RPS8: variants seen among roughly 807,000 people sequenced by gnomAD.
RPS8 encodes the protein ribosomal protein S8, also known as small ribosomal subunit protein eS8.
For missense variants in RPS8, 141 were observed against 269.7 expected (o/e 0.52, Z 3.34); for synonymous variants, 100 against 100.7 (o/e 0.99, Z 0.04).
At chr1:44,778,256 G>T in intron 5 of RPS8, 127 bp downstream of exon 5, 1 of 1,195,294 alleles carries the variant, frequency 8.4e-7, no homozygotes, top group Non-Finnish European at 1.2e-6. Context: ...AACAGGCTGC[G>T]AGCACAAAGG....
chr1:44,776,429 C>T, intron 2 of RPS8: 3 of 752,716 alleles, frequency 4.0e-6, no homozygotes, highest in Non-Finnish European at 7.3e-6. Context: ...GAAGCCTAGT[C>T]TTGTTTTTTT....
intron 3 of RPS8, 125 bp from the exon 4 acceptor site, chr1:44,777,489 G>A (rs1650898588): frequency 1.3e-6 from 1 of 762,600 alleles, no homozygotes; most frequent in Non-Finnish European, 2.2e-6. Context: ...GATGCCCCAT[G>A]GCTTGTAAAG....
intron 5 of RPS8, 135 bp downstream of exon 5, chr1:44,778,264 A>AGGG: frequency 2.6e-6 from 3 of 1,147,808 alleles, no homozygotes; most frequent in Admixed American, 1.7e-5. Flanking sequence ...GCGAGCACAA[A>AGGG]GGGGAACGTT....
At chr1:44,776,869 C>G in intron 3 of RPS8, 95 bp downstream of exon 3, 2 of 898,780 alleles carry the variant, frequency 2.2e-6, no homozygotes, top group Non-Finnish European at 3.3e-6. Flanking sequence ...CGCCTATAAG[C>G]CCAGCACGTT....
chr1:44,776,278 C>G (rs1650849849), intron 2 of RPS8, 138 bp downstream of exon 2: 2 of 668,150 alleles, frequency 3.0e-6, no homozygotes, highest in Non-Finnish European at 5.2e-6. Context: ...GTGTCCTGTC[C>G]CCCTTTAGCT....
chr1:44,778,488 C>G, intron 5 of RPS8, 88 bp from the exon 6 acceptor site: 1 of 1,084,718 alleles, frequency 9.2e-7, no homozygotes, highest in South Asian at 1.2e-5. Flanking sequence ...CCCCAGGGTA[C>G]CTGAACCCAC....
In RPS8 at chr1:44,776,695, C is replaced by T. The variant is rs1260737500; in HGVS notation, c.132C>T (p.His44=). The change falls in exon 3 of 6, where the codon CAC becomes CAT. Residue 44 remains histidine, a synonymous_variant. Transcript: ENST00000396651. The stretch of plus-strand genomic sequence containing the variant: ...TCCAGATTGGCCCCCGCCGCATCCA[C>T]ACAGTCCGTGTGCGGGGAGGTAACA... ...ANTKIGPRRI[H]TVRVRGGNKK... 2.5e-6 allele frequency: 4 copies of T among 1,613,994 alleles called. No homozygotes were observed. The highest frequency in any genetic ancestry group is 2.5e-6 in the Non-Finnish European group (3 of 1,180,006).
chr1:44,775,974 G>T, intron 1 of RPS8, 60 bp from the exon 2 acceptor site: 1 of 1,516,318 alleles, frequency 6.6e-7, no homozygotes, highest in South Asian at 1.1e-5. Context: ...TCCGGGAGCT[G>T]GCGAGTCGCT....
At position 44,776,713 on chromosome 1, in the gene RPS8, A is replaced by G; in HGVS notation, c.150A>G (p.Gly50=). 1 of 1,613,672 alleles carries G rather than the reference A, an allele frequency of 6.2e-7. No homozygotes were observed. Among genetic ancestry groups the G allele is most frequent in the Non-Finnish European group, 8.5e-7 (1 of 1,179,844 alleles). The change falls in exon 3 of 6, where the codon GGA becomes GGG. Residue 50 remains glycine (G), a synonymous_variant. Coordinates refer to ENST00000396651, the MANE Select transcript of RPS8 (RefSeq NM_001012.2). ...PRRIHTVRVR[G]GNKKYRALRL... is the part of the protein sequence containing the mutation. Reference sequence around the variant, plus strand: ...GCATCCACACAGTCCGTGTGCGGGGAGGTAACAAGAAATACCGTGCCCTGA... The same window carrying G: ...GCATCCACACAGTCCGTGTGCGGGGGGGTAACAAGAAATACCGTGCCCTGA...
Position 44,777,809 on chromosome 1 carries a change from A to ACC in RPS8, c.387+20_387+21insCC. ...AAGCTGGTGCGTGTTACTTCCCTGT[A>ACC]GGGGTTGTGGGGAGGGCAGCCTGAC... On this transcript the variant is annotated intron_variant, in intron 4 of 5. Coordinates refer to ENST00000396651, the MANE Select transcript of RPS8 (RefSeq NM_001012.2). 6.2e-7 allele frequency: 1 copy of ACC among 1,613,586 alleles called. No individual in the cohort carries two copies. The highest frequency in any genetic ancestry group is 8.5e-7 in the Non-Finnish European group (1 of 1,179,536).
intron 3 of RPS8, chr1:44,777,188 C>T: frequency 4.8e-6 from 1 of 209,874 alleles, no homozygotes; most frequent in Non-Finnish European, 9.7e-6. Context: ...TCTCCTGCCT[C>T]AGCCTCCCAA....
Position 44,775,587 on chromosome 1 carries a change from G to A in RPS8, c.-10G>A, listed in dbSNP as rs780371201. ...TCTTTGCGGTTTCTCTTTCCAGCCA[G>A]CGCCGAGCGATGGGTGAGTGTCGCT... On this transcript the variant is annotated 5_prime_UTR_variant, in exon 1 of 6. Transcript: ENST00000396651. 7 of 1,614,040 alleles carry A rather than the reference G, an allele frequency of 4.3e-6. No homozygotes were observed. In the African/African-American group the frequency reaches 5.3e-5, roughly 12 times the overall value.
At chr1:44,778,187 C>T (rs753801082) in intron 5 of RPS8, 58 bp downstream of exon 5, 50 of 1,586,276 alleles carry the variant, frequency 3.2e-5, no homozygotes, top group Non-Finnish European at 4.1e-5. Context: ...TGCCGAGGCA[C>T]TTTTCCCTTG....
chr1:44,775,769 C>T lies in RPS8; in HGVS notation c.4+169C>T, dbSNP rs1650823870. 5 of 978,438 alleles carry T rather than the reference C, an allele frequency of 5.1e-6. No individual in the cohort carries two copies. In the Admixed American group the frequency reaches 9.8e-5, roughly 19 times the overall value. 60.6% of individuals were successfully genotyped at this position (978,438 alleles called of 1,614,324 possible). On this transcript the variant is annotated intron_variant, in intron 1 of 5. Coordinates refer to ENST00000396651, the MANE Select transcript of RPS8 (RefSeq NM_001012.2). The stretch of plus-strand genomic sequence containing the variant: ...CCGCCCAGCCCGTCTCTGGGGGCTG[C>T]GAAGGCTCTGGGCTCCGGGTTCCGG...
Position 44,775,595 on chromosome 1 carries a change from C to CGAT in RPS8, c.1_3dup. ...GTTTCTCTTTCCAGCCAGCGCCGAG[C>CGAT]GATGGGTGAGTGTCGCTCTGCATTG... On this transcript the variant is annotated 5_prime_UTR_variant, in exon 1 of 6. In the 5' UTR this introduces an upstream ATG that the reference lacks. Coordinates refer to ENST00000396651, the MANE Select transcript of RPS8 (RefSeq NM_001012.2). The CGAT allele has an allele frequency of 6.2e-7, 1 of 1,614,154 alleles. No individual in the cohort carries two copies. Among genetic ancestry groups the CGAT allele is most frequent in the Non-Finnish European group, 8.5e-7 (1 of 1,179,986 alleles).
At chr1:44,775,794 G>T in intron 1 of RPS8, 194 bp downstream of exon 1, 1 of 860,626 alleles carries the variant, frequency 1.2e-6, no homozygotes, top group East Asian at 2.5e-5. Flanking sequence ...CCGGGTTCCG[G>T]GCCGCGGGCT....
intron 3 of RPS8, chr1:44,777,050 G>A: frequency 2.9e-6 from 1 of 341,664 alleles, no homozygotes; most frequent in South Asian, 3.6e-5. Context: ...GGTAGCTGGG[G>A]AGTTCTCTCC....
Position 44,777,620 on chromosome 1 carries a change from C to T in RPS8, c.218C>T (p.Thr73Ile). The change falls in exon 4 of 6, where the codon ACT becomes ATT. Residue 73 changes from threonine to isoleucine, a missense_variant. Physicochemically the swap from Thr to Ile is moderately conservative, Grantham distance 89. Coordinates refer to ENST00000396651, the MANE Select transcript of RPS8 (RefSeq NM_001012.2). ...GNFSWGSECCTRKTRIIDVVY... is the reference protein window; with the variant it reads ...GNFSWGSECCIRKTRIIDVVY... ...AAATTTCTCCTGTGAGCAGGTTGTACTCGTAAAACAAGGATCATCGATGTT... is the reference window on the plus strand; with the variant it reads ...AAATTTCTCCTGTGAGCAGGTTGTATTCGTAAAACAAGGATCATCGATGTT... 6.2e-7 allele frequency: 1 copy of T among 1,613,308 alleles called. No homozygotes were observed. The highest frequency in any genetic ancestry group is 8.5e-7 in the Non-Finnish European group (1 of 1,179,384).
chr1:44,777,053 T>C (rs1650880661), intron 3 of RPS8: 3 of 333,604 alleles, frequency 9.0e-6, no homozygotes, highest in Non-Finnish European at 1.7e-5. Flanking sequence ...AGCTGGGGAG[T>C]TCTCTCCACC....
Sources: gnomAD v4.1 joint callset for allele counts on GRCh38, gnomAD v4.1.1 for gene constraint, MANE v1.5 for transcripts, NCBI Gene and HGNC (gene_info 2026-07-23, HGNC 2026-07-21) for gene names.